Variants in SLC38A7 observed in about 807,000 individuals in gnomAD.
SLC38A7 encodes sodium-coupled neutral amino acid transporter 7.
A neutral mutation model predicts 50.1 loss-of-function variants in SLC38A7; 29 were observed. That is an observed-to-expected ratio of 0.58 (90% CI 0.43 to 0.79). SLC38A7 has a LOEUF of 0.79. Ranked by LOEUF, SLC38A7 falls within the 30% of genes least tolerant of loss-of-function variation. The pLI is 0.00. For synonymous variants in SLC38A7, 244 were observed against 245.9 expected, an observed-to-expected ratio of 0.99 and a Z score of 0.07; for missense variants, 483 against 610.6, an observed-to-expected ratio of 0.79 and a Z score of 2.20.
intron 11 of SLC38A7, among the ~76,000 whole-genome samples, chr16:58,669,285 T>C (rs1231917705): frequency 1.3e-5 from 2 of 151,124 alleles, no homozygotes; most frequent in African/African-American, 4.9e-5. Flanking sequence ...CCAGCTAATT[T>C]TGTATTTTTA....
chr16:58,677,759 G>A (rs1597675707), intron 5 of SLC38A7, among the ~76,000 whole-genome samples: 1 of 152,146 alleles, frequency 6.6e-6, no homozygotes, highest in African/African-American at 2.4e-5. Context: ...CAGGGGCTGT[G>A]GGAGACCATC....
rs758310485 is a variant in SLC38A7, at chr16:58,677,387, T to C, written c.649A>G (p.Ile217Val). The stretch of plus-strand genomic sequence containing the variant: ...GGCCAGATGTACTTGATGATAACGA[T>C]GGCTGTGACGTACCAGGTACCCACG... The part of the protein sequence containing the change: ...SVVGTWYVTA[I>V]VIIKYIWPDK... The change falls in exon 6 of 12, where the codon ATC becomes GTC. Residue 217 changes from isoleucine to valine, a missense_variant. Physicochemically the swap from Ile to Val is conservative, Grantham distance 29. Transcript: ENST00000219320. 2 of 1,613,494 alleles carry C rather than the reference T, an allele frequency of 1.2e-6. No homozygotes were observed. The highest frequency in any genetic ancestry group is 3.3e-5 in the Admixed American group (2 of 59,932).
chr16:58,683,253 T>C (rs997024663), intron 2 of SLC38A7, among the ~76,000 whole-genome samples: 2 of 152,190 alleles, frequency 1.3e-5, no homozygotes, highest in African/African-American at 4.8e-5. Context: ...CCCTAACCAT[T>C]GGGCCACCCT....
intron 2 of SLC38A7, among the ~76,000 whole-genome samples, chr16:58,683,344 T>A (rs149729296): frequency 1.3e-4 from 20 of 152,268 alleles, no homozygotes; most frequent in African/African-American, 4.8e-4. Context: ...CTCCTGATGA[T>A]GGACAAACAA....
chr16:58,675,327 T>A (rs1417602636), intron 8 of SLC38A7: 1 of 418,156 alleles, frequency 2.4e-6, no homozygotes, highest in South Asian at 1.7e-5. Context: ...GGCAACATAG[T>A]GAGACCTTGT....
At chr16:58,679,368 GGTGA>G (rs2044337719) in intron 3 of SLC38A7, among the ~76,000 whole-genome samples, 1 of 152,096 alleles carries the variant, frequency 6.6e-6, no homozygotes, top group Admixed American at 6.6e-5. Context: ...CTCCAGCCTG[GGTGA>G]CAAAGCAAGA....
At chr16:58,676,132 A>C (rs2044261472) in intron 7 of SLC38A7, 78 bp from the exon 8 acceptor site, 7 of 1,556,594 alleles carry the variant, frequency 4.5e-6, no homozygotes, top group Non-Finnish European at 6.2e-6. Flanking sequence ...CTTGGGAACA[A>C]AGACCCCAGG....
intron 2 of SLC38A7, among the ~76,000 whole-genome samples, chr16:58,682,042 A>G (rs1721932257): frequency 6.6e-6 from 1 of 152,118 alleles, no homozygotes; most frequent in Admixed American, 6.6e-5. Flanking sequence ...CTGTAATCCC[A>G]GCTGTGCAGG....
rs747638912 is a variant in SLC38A7 at position 58,675,923 on chromosome 16, G to GC, written c.883+16_883+17insG. ...AGAGCACTCTAGTCCCAGGTCTTGG[G>GC]GGGGGGGAGCACTCACCTGTCCCCA... On this transcript the variant is annotated intron_variant, in intron 8 of 11. Coordinates refer to ENST00000219320, the MANE Select transcript of SLC38A7 (RefSeq NM_018231.3). 1.4e-5 allele frequency: 22 copies of GC among 1,531,370 alleles called. No individual in the cohort carries two copies. Among genetic ancestry groups the GC allele is most frequent in the Non-Finnish European group, 1.8e-5 (20 of 1,131,624 alleles). 94.9% of individuals were successfully genotyped at this position (1,531,370 alleles called of 1,614,324 possible).
At position 58,679,866 on chromosome 16, in the gene SLC38A7, T is replaced by C. The variant is rs774025246; in HGVS notation, c.261A>G (p.Ala87=). ...STAGGVAAGI[A]LQMGMLVFII... ...CGGCCAGTGCACTCACCATCTGCAGTGCGATGCCTGCTGCCACGCCCCCCG... is the reference window on the plus strand; with the variant it reads ...CGGCCAGTGCACTCACCATCTGCAGCGCGATGCCTGCTGCCACGCCCCCCG... Residue 87 remains alanine (A), a synonymous_variant, in exon 3 of 12, where the codon GCA becomes GCG. Transcript: ENST00000219320. The C allele has an allele frequency of 1.9e-5, 31 of 1,613,714 alleles. No homozygotes were observed. The highest frequency in any genetic ancestry group is 2.5e-5 in the Non-Finnish European group (30 of 1,180,020).
intron 2 of SLC38A7, chr16:58,683,595 C>T (rs2044436158): frequency 6.6e-6 from 1 of 152,278 alleles, no homozygotes; most frequent in Admixed American, 6.5e-5. Flanking sequence ...CTTGGGACTC[C>T]CAGGCTTCCA....
At chr16:58,680,853 C>T (rs1382247957) in intron 2 of SLC38A7, among the ~76,000 whole-genome samples, 2 of 152,192 alleles carry the variant, frequency 1.3e-5, no homozygotes, top group East Asian at 3.8e-4. Flanking sequence ...GTCATGTTTG[C>T]GTCTTCAGGA....
At chr16:58,675,789 G>A in intron 8 of SLC38A7, 151 bp downstream of exon 8, 1 of 617,730 alleles carries the variant, frequency 1.6e-6, no homozygotes, top group Non-Finnish European at 2.8e-6. Flanking sequence ...GGCAGGAGGA[G>A]GCTCCAGGCA....
At position 58,668,485 on chromosome 16, in the gene SLC38A7, C is replaced by T. The variant is rs569085617; in HGVS notation, c.1287-998G>A. Among the ~76,000 whole-genome samples, 19 of 151,912 alleles carry T rather than the reference C, an allele frequency of 1.3e-4. No homozygotes were observed. The South Asian group carries it at 3.3e-3, about 27-fold the overall frequency. On this transcript the variant is annotated intron_variant, in intron 11 of 11. Transcript: ENST00000219320. ...AGATACCCTGGAGGTTGCAGTGAGC[C>T]GAGATCATGCCACTGCACTCCAGCC...
intron 10 of SLC38A7, 132 bp from the exon 11 acceptor site, chr16:58,670,299 GCCC>G (rs2044135395): frequency 1.3e-6 from 1 of 798,070 alleles, no homozygotes. Context: ...TTCCATCTCT[GCCC>G]CCACACCACA....
intron 2 of SLC38A7, among the ~76,000 whole-genome samples, chr16:58,680,703 C>T (rs2044371740): frequency 6.6e-6 from 1 of 152,286 alleles, no homozygotes; most frequent in East Asian, 1.9e-4. Flanking sequence ...AAAAGGACCC[C>T]TTACCAAGAA....
intron 11 of SLC38A7, 124 bp from the exon 12 acceptor site, chr16:58,667,611 T>C: frequency 1.4e-6 from 1 of 709,686 alleles, no homozygotes; most frequent in South Asian, 2.6e-5. Context: ...CACTTCCTAC[T>C]TCCCAAAGAC....
intron 11 of SLC38A7, among the ~76,000 whole-genome samples, chr16:58,668,122 C>T (rs187359798): frequency 5.4e-5 from 8 of 147,156 alleles, no homozygotes; most frequent in East Asian, 2.0e-4. Flanking sequence ...GGCAAGATGG[C>T]GAAACCCCAT....
intron 8 of SLC38A7, among the ~76,000 whole-genome samples, chr16:58,673,975 C>T (rs1030640928): frequency 1.3e-5 from 2 of 151,818 alleles, no homozygotes; most frequent in African/African-American, 4.8e-5. Context: ...ACAGGCACCA[C>T]CACCACGCCC....
Sources: gnomAD v4.1 joint callset for allele counts (sites outside exome capture counted in the v4.1 genomes callset) on GRCh38, gnomAD v4.1.1 for gene constraint, MANE v1.5 for transcripts, NCBI Gene and HGNC (gene_info 2026-07-23, HGNC 2026-07-21) for gene names.